Variants in GRIP1 observed in about 807,000 individuals in gnomAD.
GRIP1 encodes the protein glutamate receptor interacting protein 1, also known as glutamate receptor-interacting protein 1.
GRIP1 carries 45 observed loss-of-function variants against 129.9 expected under a neutral mutation model. That is an observed-to-expected ratio of 0.35 (90% CI 0.27 to 0.44). GRIP1 has a LOEUF of 0.44. Ranked by LOEUF, GRIP1 falls within the 20% of genes least tolerant of loss-of-function variation. The pLI is 1.00. For missense variants in GRIP1, 1,196 were observed against 1,396.8 expected (o/e 0.86, Z 2.29); for synonymous variants, 530 against 520.8 (o/e 1.02, Z -0.24).
intron 1 of GRIP1, among the ~76,000 whole-genome samples, chr12:66,729,086 CTA>C (rs1279599360): frequency 1.3e-5 from 2 of 149,940 alleles, no homozygotes. Context: ...TGGGTTCTCA[CTA>C]TGTTTCCCAG....
At chr12:66,370,630 G>C (rs529857023) in intron 23 of GRIP1, among the ~76,000 whole-genome samples, 1 of 152,222 alleles carries the variant, frequency 6.6e-6, no homozygotes, top group East Asian at 1.9e-4. Context: ...AAAATGTCTT[G>C]GTTCTCAAGA....
intron 2 of GRIP1, among the ~76,000 whole-genome samples, chr12:66,571,790 T>A (rs2062969059): frequency 6.6e-6 from 1 of 152,208 alleles, no homozygotes; most frequent in Non-Finnish European, 1.5e-5. Context: ...GGTTATTGTA[T>A]TTCTAAAGTT....
chr12:66,583,807 G>A lies in GRIP1; in HGVS notation c.136+13040C>T, dbSNP rs200241445. ...AAATAGGAACACTTTTACACTGTTG[G>A]TGGGACTGTAAACTAGTTCAACCAT... is the stretch of plus-strand genomic sequence containing the variant. On this transcript the variant is annotated intron_variant, in intron 2 of 24. Coordinates refer to ENST00000359742, the MANE Select transcript of GRIP1 (RefSeq NM_001366722.1). Among the ~76,000 whole-genome samples the A allele has an allele frequency of 2.5e-3, 300 of 119,192 alleles. 1 individual carries two copies. The highest frequency in any genetic ancestry group is 4.2e-3 in the Middle Eastern group (1 of 238). The allele number at this position is 119,192 out of a possible 152,430, so 78.2% of individuals were successfully genotyped here. A position where few individuals can be genotyped will look rare whatever the true frequency, so the allele number is the denominator to read the frequency against.
chr12:66,889,904 C>T (rs530076953), intron 1 of GRIP1, among the ~76,000 whole-genome samples: 19 of 151,938 alleles, frequency 1.3e-4, no homozygotes, highest in East Asian at 7.7e-4. Flanking sequence ...GAGAGGTAAA[C>T]GGAGGCTCAG....
intron 1 of GRIP1, among the ~76,000 whole-genome samples, chr12:66,619,595 C>T (rs2065184195): frequency 1.3e-5 from 2 of 152,062 alleles, no homozygotes; most frequent in Admixed American, 1.3e-4. Flanking sequence ...AAGGGCCATA[C>T]ATGAACATGG....
chr12:66,407,773 A>G (rs1298045120), intron 15 of GRIP1, among the ~76,000 whole-genome samples: 1 of 152,168 alleles, frequency 6.6e-6, no homozygotes, highest in Non-Finnish European at 1.5e-5. Flanking sequence ...TAAAGCCACA[A>G]AGACAGCAAT....
chr12:66,583,585 A>T (rs1178269222), intron 2 of GRIP1, among the ~76,000 whole-genome samples: 1 of 138,160 alleles, frequency 7.2e-6, no homozygotes, highest in Non-Finnish European at 1.6e-5. Context: ...ACCCCATCAA[A>T]AAGTGGGCGA....
intron 1 of GRIP1, among the ~76,000 whole-genome samples, chr12:66,746,101 T>G (rs2036936216): frequency 6.6e-6 from 1 of 152,116 alleles, no homozygotes; most frequent in African/African-American, 2.4e-5. Flanking sequence ...TTGGCAGAAT[T>G]TGCTGGCTGC....
chr12:66,681,318 C>T (rs573882018), upstream of GRIP1, among the ~76,000 whole-genome samples: 20 of 152,260 alleles, frequency 1.3e-4, no homozygotes, highest in African/African-American at 4.8e-4. Flanking sequence ...CCAGGTCAAC[C>T]TTCTTGCCCT....
intron 1 of GRIP1, among the ~76,000 whole-genome samples, chr12:66,895,963 T>C (rs983665): frequency 0.17 from 26,592 of 152,220 alleles, 3,702 homozygotes; most frequent in African/African-American, 0.38. Flanking sequence ...AAAAAGTCAC[T>C]GCCAGTTCTG....
intron 1 of GRIP1, among the ~76,000 whole-genome samples, chr12:66,743,091 A>G (rs1041119642): frequency 6.6e-6 from 1 of 152,142 alleles, no homozygotes. Flanking sequence ...AGACATGAAA[A>G]ATAAATAAAG....
At chr12:66,994,387 T>C (rs1320793240) in intron 1 of GRIP1, among the ~76,000 whole-genome samples, 3 of 151,458 alleles carry the variant, frequency 2.0e-5, no homozygotes, top group Admixed American at 6.6e-5. Context: ...ATAAACCACA[T>C]GATAATGTCA....
intron 7 of GRIP1, among the ~76,000 whole-genome samples, chr12:66,490,472 A>G (rs2060075095): frequency 6.6e-6 from 1 of 152,216 alleles, no homozygotes. Context: ...TTATACAAAA[A>G]TTAACTTAAG....
intron 1 of GRIP1, 73 bp downstream of exon 1, chr12:66,678,777 T>TA: frequency 7.1e-7 from 1 of 1,409,640 alleles, no homozygotes; most frequent in Non-Finnish European, 1.0e-6. Context: ...TATTTGAAAG[T>TA]AAAAACCATT....
chr12:66,481,224 C>T (rs1317714905), intron 7 of GRIP1, among the ~76,000 whole-genome samples: 7 of 93,362 alleles, frequency 7.5e-5, no homozygotes, highest in Non-Finnish European at 2.2e-5. Context: ...TATCTAGAAT[C>T]TACAAAAAAA....
intron 1 of GRIP1, among the ~76,000 whole-genome samples, chr12:66,780,275 T>C (rs1338563064): frequency 1.3e-5 from 2 of 152,192 alleles, no homozygotes; most frequent in Non-Finnish European, 1.5e-5. Context: ...AGGCATCTGA[T>C]GGATGCGGGA....
intron 1 of GRIP1, among the ~76,000 whole-genome samples, chr12:66,888,916 T>G (rs1413760195): frequency 6.6e-6 from 1 of 152,232 alleles, no homozygotes; most frequent in Non-Finnish European, 1.5e-5. Flanking sequence ...CCTAAAAATA[T>G]TTGAAGACTA....
chr12:67,016,797 A>G (rs1362006494), intron 1 of GRIP1, among the ~76,000 whole-genome samples: 1 of 152,190 alleles, frequency 6.6e-6, no homozygotes, highest in Non-Finnish European at 1.5e-5. Flanking sequence ...TGCATACATC[A>G]TTTCCTTTGC....
At chr12:67,066,879 A>AATATACATATATATAT (rs1555170027) in intron 1 of GRIP1, among the ~76,000 whole-genome samples, 49 of 43,956 alleles carry the variant, frequency 1.1e-3, no homozygotes, top group African/African-American at 2.8e-3. Context: ...GCTCAGTTTA[A>AATATACATATATATAT]ATATATATTT....
Sources: gnomAD v4.1 joint callset for allele counts (sites outside exome capture counted in the v4.1 genomes callset) on GRCh38, gnomAD v4.1.1 for gene constraint, MANE v1.5 for transcripts, NCBI Gene and HGNC (gene_info 2026-07-23, HGNC 2026-07-21) for gene names.